AUNIP: variants seen among roughly 807,000 people sequenced by gnomAD.
The protein encoded by AUNIP is aurora kinase A- and ninein-interacting protein.
AUNIP carries 16 observed loss-of-function variants against 12.2 expected under a neutral mutation model. That is an observed-to-expected ratio of 1.31 (90% CI 0.88 to 1.99). AUNIP has a LOEUF of 1.99. Ranked by LOEUF, AUNIP falls within the 30% of genes most tolerant of loss-of-function variation. The pLI is 0.00. For missense variants in AUNIP, 411 were observed against 419.1 expected, an observed-to-expected ratio of 0.98 and a Z score of 0.17; for synonymous variants, 142 against 154.8, an observed-to-expected ratio of 0.92 and a Z score of 0.61.
At chr1:25,840,945 T>C (rs978178668) in intron 1 of AUNIP, among the ~76,000 whole-genome samples, 1 of 152,226 alleles carries the variant, frequency 6.6e-6, no homozygotes, top group East Asian at 1.9e-4. Context: ...GAGAGAATAA[T>C]AGACTAATAA....
intron 1 of AUNIP, among the ~76,000 whole-genome samples, chr1:25,852,043 C>T (rs2048426942): frequency 6.6e-6 from 1 of 151,578 alleles, no homozygotes; most frequent in African/African-American, 2.4e-5. Context: ...GCCTCAACCT[C>T]CCTGGGTTCA....
intron 2 of AUNIP, among the ~76,000 whole-genome samples, chr1:25,836,329 T>G (rs2048302295): frequency 6.6e-6 from 1 of 152,190 alleles, no homozygotes; most frequent in African/African-American, 2.4e-5. Context: ...TATCCAACTC[T>G]GAGAAACCTT....
chr1:25,832,118 A>T (rs2048252224), downstream of AUNIP: 5 of 1,602,276 alleles, frequency 3.1e-6, no homozygotes, highest in Admixed American at 3.4e-5. Context: ...TCTTAAGGAT[A>T]GATCTTCTGC....
rs371527200 is a variant in AUNIP at position 25,837,937 on chromosome 1, C to T, written c.79-383G>A. 3.3e-4 allele frequency among the ~76,000 whole-genome samples: 50 copies of T among 152,304 alleles called. 1 individual carries two copies. The East Asian group carries it at 6.0e-3, about 18-fold the overall frequency. On this transcript the variant is annotated intron_variant, in intron 1 of 2. Transcript: ENST00000374298. ...GTAGTCACATAGTGGTGGTTAAGAGCATGGCTCAAGAATCAGTCCTTGGCC... is the reference window on the plus strand; with the variant it reads ...GTAGTCACATAGTGGTGGTTAAGAGTATGGCTCAAGAATCAGTCCTTGGCC...
At chr1:25,855,024 T>G (rs1185283188) in intron 1 of AUNIP, among the ~76,000 whole-genome samples, 1 of 148,056 alleles carries the variant, frequency 6.8e-6, no homozygotes, top group Middle Eastern at 3.5e-3. Flanking sequence ...TGGCGCAACC[T>G]TGGCTCACTG....
At position 25,834,259 on chromosome 1, in the gene AUNIP, A is replaced by T; in HGVS notation, c.*734T>A. ...GAGATTTGCTAATCACTGAAAAAAA[A>T]GGGTCAAGAGTAATCATCCCAAGCT... On this transcript the variant is annotated 3_prime_UTR_variant, in exon 3 of 3. Transcript: ENST00000374298. 1 of 985,300 alleles carries T rather than the reference A, an allele frequency of 1.0e-6. No homozygotes were observed. The highest frequency in any genetic ancestry group is 1.2e-6 in the Non-Finnish European group (1 of 829,884). 61.0% of individuals were successfully genotyped at this position (985,300 alleles called of 1,614,324 possible). A position where few individuals can be genotyped will look rare whatever the true frequency, so the allele number is the denominator to read the frequency against.
chr1:25,848,382 T>C (rs2048399248), intron 1 of AUNIP, among the ~76,000 whole-genome samples: 1 of 147,550 alleles, frequency 6.8e-6, no homozygotes, highest in African/African-American at 2.5e-5. Context: ...CATGAAAGGC[T>C]GAGGCAGGAG....
chr1:25,832,591 C>G (rs2048260767), downstream of AUNIP: 1 of 179,102 alleles, frequency 5.6e-6, no homozygotes, highest in Non-Finnish European at 1.2e-5. Context: ...CCAGCCAACA[C>G]ATGGGCTACT....
intron 1 of AUNIP, among the ~76,000 whole-genome samples, chr1:25,855,691 G>A (rs778731285): frequency 6.6e-6 from 1 of 152,120 alleles, no homozygotes; most frequent in Non-Finnish European, 1.5e-5. Context: ...GAAGAGGCAT[G>A]TTTTCAAAAA....
chr1:25,855,274 A>T lies in AUNIP; in HGVS notation c.78+4006T>A, dbSNP rs544910228. On this transcript the variant is annotated intron_variant, in intron 1 of 2. Coordinates refer to ENST00000374298, the MANE Select transcript of AUNIP (RefSeq NM_024037.3). ...GGGGAATTAAGTTCTTTTAGAAGGA[A>T]AAGTACTGAAGAATTTGTGGACGTA... Among the ~76,000 whole-genome samples, 3 of 152,236 alleles carry T rather than the reference A, an allele frequency of 2.0e-5. No homozygotes were observed. In the South Asian group the frequency reaches 6.2e-4, roughly 32 times the overall value.
intron 1 of AUNIP, among the ~76,000 whole-genome samples, chr1:25,838,084 CAAA>C (rs59434471): frequency 1.9e-5 from 2 of 105,242 alleles, no homozygotes; most frequent in Non-Finnish European, 2.2e-5. Context: ...ACTAAAAATA[CAAA>C]AAAAAAAAAA....
intron 1 of AUNIP, among the ~76,000 whole-genome samples, chr1:25,854,056 C>CA (rs528881975): frequency 6.6e-6 from 1 of 152,044 alleles, no homozygotes; most frequent in Non-Finnish European, 1.5e-5. Context: ...ACTAAAAATA[C>CA]AAAAATTAGC....
intron 1 of AUNIP, among the ~76,000 whole-genome samples, chr1:25,853,903 C>T (rs1212947328): frequency 3.3e-5 from 5 of 152,158 alleles, no homozygotes; most frequent in African/African-American, 9.7e-5. Context: ...CATCAGTTCC[C>T]GCAATATTCT....
intron 1 of AUNIP, among the ~76,000 whole-genome samples, chr1:25,843,471 GATTA>G (rs2048359657): frequency 6.6e-6 from 1 of 151,030 alleles, no homozygotes; most frequent in Non-Finnish European, 1.5e-5. Context: ...GAACATTCGT[GATTA>G]TCTGGCCATG....
chr1:25,857,048 G>A (rs1022062580), intron 1 of AUNIP, among the ~76,000 whole-genome samples: 1 of 152,054 alleles, frequency 6.6e-6, no homozygotes, highest in Non-Finnish European at 1.5e-5. Context: ...GCCCGGGGGC[G>A]TTGAGGCTGT....
intron 1 of AUNIP, among the ~76,000 whole-genome samples, chr1:25,858,873 G>A (rs1407826977): frequency 6.6e-6 from 1 of 152,154 alleles, no homozygotes; most frequent in Non-Finnish European, 1.5e-5. Flanking sequence ...ACCCCGGGGT[G>A]AGAATTTCCC....
chr1:25,839,768 A>G (rs1487657897), intron 1 of AUNIP, among the ~76,000 whole-genome samples: 1 of 152,074 alleles, frequency 6.6e-6, no homozygotes, highest in Non-Finnish European at 1.5e-5. Flanking sequence ...GGTTCAAGCG[A>G]TTCTCCTACC....
chr1:25,859,192 C>T (rs767929252), intron 1 of AUNIP, 88 bp downstream of exon 1: 7 of 1,367,646 alleles, frequency 5.1e-6, no homozygotes, highest in Non-Finnish European at 7.0e-6. Flanking sequence ...TCGCTTTCAT[C>T]ATCTCCAGGT....
In AUNIP at chr1:25,835,414, G is replaced by A. The variant is rs2124493877; in HGVS notation, c.653C>T (p.Pro218Leu). ...YQSMEKHTKL[P>L]GDKCCQPLGK... ...TAAGGGCTGACAGCATTTGTCCCCAGGTAGTTTGGTGTGTTTCTCCATACT... is the reference window on the plus strand; with the variant it reads ...TAAGGGCTGACAGCATTTGTCCCCAAGTAGTTTGGTGTGTTTCTCCATACT... Residue 218 changes from proline to leucine, a missense_variant, in exon 3 of 3, where the codon CCT becomes CTT. Pro to Leu is a moderately conservative substitution (Grantham distance 98). Coordinates refer to ENST00000374298, the MANE Select transcript of AUNIP (RefSeq NM_024037.3). The A allele has an allele frequency of 2.5e-6, 4 of 1,614,248 alleles. No homozygotes were observed. The East Asian group carries it at 8.9e-5, about 36-fold the overall frequency.
Sources: allele counts gnomAD v4.1 joint callset (sites outside exome capture counted in the v4.1 genomes callset), GRCh38; gene constraint gnomAD v4.1.1; transcripts MANE v1.5; gene names NCBI Gene and HGNC (gene_info 2026-07-23, HGNC 2026-07-21).